IQCE: variants seen among roughly 807,000 people sequenced by gnomAD.
IQCE encodes the protein IQ motif containing E, also known as IQ domain-containing protein E.
Under a neutral mutation model 96.0 loss-of-function variants are expected in IQCE, and 115 were observed. That is an observed-to-expected ratio of 1.20 (90% confidence interval 1.03 to 1.40). The LOEUF (loss-of-function observed/expected upper bound fraction) is 1.40. IQCE is among the 40% of genes most tolerant of loss of function. IQCE has a pLI of 0.00. For synonymous variants in IQCE, 412 were observed against 371.2 expected, an observed-to-expected ratio of 1.11 and a Z score of -1.26; for missense variants, 1,041 against 909.1, an observed-to-expected ratio of 1.15 and a Z score of -1.87.
At chr7:2,589,639 C>T (rs923735177) in intron 13 of IQCE, among the ~76,000 whole-genome samples, 2 of 152,114 alleles carry the variant, frequency 1.3e-5, no homozygotes, top group Non-Finnish European at 2.9e-5. Context: ...CTCGTGCCCT[C>T]CTCTCTGTTT....
rs1781757555 is a variant in IQCE at position 2,571,576 on chromosome 7, AG to A, written c.183del (p.Thr62ArgfsTer13). 6.2e-7 allele frequency: 1 copy of A among 1,604,698 alleles called. No individual in the cohort carries two copies. On this transcript the variant is annotated frameshift_variant, in exon 4 of 22. Transcript: ENST00000402050. LOFTEE classifies it high-confidence loss of function. ...AAAAGTGGCCTCCTGGAGGTCCCTC[AG>A]GACGGCAGGGAGCATGCCTCTGGGC... ...PRKVASWRSL[R>X]TAGSMPLGGR...
At chr7:2,599,302 T>G (rs1010342498) in intron 17 of IQCE, among the ~76,000 whole-genome samples, 3 of 152,120 alleles carry the variant, frequency 2.0e-5, no homozygotes, top group Non-Finnish European at 2.9e-5. Context: ...GTTCAAGTGA[T>G]TCTCCTGCCT....
intron 14 of IQCE, among the ~76,000 whole-genome samples, chr7:2,591,389 C>T (rs146938814): frequency 5.3e-4 from 80 of 152,340 alleles, no homozygotes; most frequent in African/African-American, 1.8e-3. Context: ...TCCTGTCCTC[C>T]TCCTGTTGAT....
At chr7:2,609,963 G>A in intron 21 of IQCE, 81 bp from the exon 22 acceptor site, 1 of 775,206 alleles carries the variant, frequency 1.3e-6, no homozygotes, top group Non-Finnish European at 2.2e-6. Context: ...CCGGGGAAGA[G>A]CAGACAGTGT....
intron 13 of IQCE, among the ~76,000 whole-genome samples, chr7:2,589,078 A>G (rs544471946): frequency 5.3e-4 from 81 of 152,334 alleles, no homozygotes; most frequent in African/African-American, 1.9e-3. Context: ...TTTACAACAT[A>G]GAAAACTAGC....
At chr7:2,562,870 T>C (rs1185942485) in intron 1 of IQCE, among the ~76,000 whole-genome samples, 1 of 151,476 alleles carries the variant, frequency 6.6e-6, no homozygotes, top group Non-Finnish European at 1.5e-5. Flanking sequence ...TTTTTTTTAA[T>C]ATAGGCATTT....
intron 13 of IQCE, among the ~76,000 whole-genome samples, chr7:2,588,335 GTTTTGTTTTTGT>G (rs958762147): frequency 1.3e-5 from 2 of 151,862 alleles, no homozygotes; most frequent in Admixed American, 1.3e-4. Context: ...TTGGACCTTT[GTTTTGTTTTTGT>G]TTTTGTTTTT....
chr7:2,562,463 T>C (rs1048087535), intron 1 of IQCE, among the ~76,000 whole-genome samples: 1 of 152,088 alleles, frequency 6.6e-6, no homozygotes, highest in Non-Finnish European at 1.5e-5. Context: ...CATTTCCTTC[T>C]TTTCTGTTTT....
intron 14 of IQCE, among the ~76,000 whole-genome samples, chr7:2,591,168 G>A (rs1450937989): frequency 2.6e-5 from 4 of 151,856 alleles, no homozygotes; most frequent in Admixed American, 6.6e-5. Flanking sequence ...TGGGAGAATC[G>A]CTTGAGCCTG....
At chr7:2,601,528 G>A (rs1242797029) in intron 18 of IQCE, 64 bp downstream of exon 18, 3 of 1,165,166 alleles carry the variant, frequency 2.6e-6, no homozygotes, top group Non-Finnish European at 3.9e-6. Flanking sequence ...GTAGGTGAGG[G>A]GATATTTAAA....
intron 18 of IQCE, 43 bp from the exon 19 acceptor site, chr7:2,604,838 G>A: frequency 6.8e-7 from 1 of 1,474,670 alleles, no homozygotes; most frequent in Non-Finnish European, 9.5e-7. Flanking sequence ...GTTGCCCCGG[G>A]CACTCACACC....
chr7:2,605,489 G>A (rs962357804), intron 19 of IQCE, among the ~76,000 whole-genome samples: 5 of 151,986 alleles, frequency 3.3e-5, no homozygotes, highest in Non-Finnish European at 5.9e-5. Context: ...GCGTGGTGGC[G>A]GGCGCCCGCA....
chr7:2,611,744 T>C lies in IQCE; in HGVS notation c.*1582T>C, dbSNP rs2128476367. 1.3e-5 allele frequency: 2 copies of C among 152,396 alleles called. No homozygotes were observed. The allele number at this position is 152,396 out of a possible 1,614,324, so 9.4% of individuals were successfully genotyped here. A position where few individuals can be genotyped will look rare whatever the true frequency, so the allele number is the denominator to read the frequency against. On this transcript the variant is annotated 3_prime_UTR_variant, in exon 22 of 22. Transcript: ENST00000402050. The stretch of plus-strand genomic sequence containing the variant: ...TTCGAAGCCTGGCCCCTGTCTCCAC[T>C]TAGCTTCTGTTTCTGCAGTGGGTGG...
chr7:2,559,947 C>G (rs976203925), intron 1 of IQCE, among the ~76,000 whole-genome samples: 17 of 152,168 alleles, frequency 1.1e-4, no homozygotes, highest in Non-Finnish European at 2.2e-4. Flanking sequence ...TCGCTTGAGG[C>G]CAAGAGTTCC....
At chr7:2,593,323 ATC>A (rs1783761340) in intron 15 of IQCE, among the ~76,000 whole-genome samples, 197 bp downstream of exon 15, 1 of 152,256 alleles carries the variant, frequency 6.6e-6, no homozygotes, top group Non-Finnish European at 1.5e-5. Context: ...GCCCTCTGGC[ATC>A]GTGGCCACCT....
rs1227116476 is a variant in IQCE at position 2,581,576 on chromosome 7, C to G, written c.631-1004C>G. 3.3e-5 allele frequency among the ~76,000 whole-genome samples: 5 copies of G among 152,068 alleles called. 1 individual carries two copies. In the East Asian group the frequency reaches 9.7e-4, roughly 29 times the overall value. ...TCTGTTCAAGCCTGGTGTGGTGGCT[C>G]ACACGTATAATCCTAGTACTTTGGG... On this transcript the variant is annotated intron_variant, in intron 8 of 21. Coordinates refer to ENST00000402050, the MANE Select transcript of IQCE (RefSeq NM_152558.5).
intron 8 of IQCE, 77 bp downstream of exon 8, chr7:2,578,603 C>T (rs1428886855): frequency 4.8e-5 from 72 of 1,485,826 alleles, no homozygotes; most frequent in Non-Finnish European, 1.9e-5. Flanking sequence ...GACGCCTTTC[C>T]CTGCAGCACC....
At chr7:2,597,975 A>G (rs1353583569) in intron 16 of IQCE, among the ~76,000 whole-genome samples, 1 of 152,216 alleles carries the variant, frequency 6.6e-6, no homozygotes, top group Admixed American at 6.5e-5. Flanking sequence ...GCCTGAAATC[A>G]TGGTTATTTC....
intron 12 of IQCE, 135 bp from the exon 13 acceptor site, chr7:2,587,687 A>T (rs1583459955): frequency 1.2e-6 from 1 of 822,582 alleles, no homozygotes; most frequent in African/African-American, 1.7e-5. Context: ...GGTAGCCAGG[A>T]CCTGTCGGTG....
Sources: gnomAD v4.1 joint callset for allele counts (sites outside exome capture counted in the v4.1 genomes callset) on GRCh38, gnomAD v4.1.1 for gene constraint, MANE v1.5 for transcripts, NCBI Gene and HGNC (gene_info 2026-07-23, HGNC 2026-07-21) for gene names.